METTL15: variants seen among roughly 807,000 people sequenced by gnomAD.
METTL15 encodes the protein 12S rRNA N(4)-cytidine methyltransferase METTL15.
In METTL15, 34 loss-of-function variants were observed where a neutral mutation model predicts 38.3. The observed-to-expected ratio is 0.89, with a 90% CI of 0.68 to 1.18. The LOEUF is 1.18. Ranked by LOEUF, METTL15 falls within the 50% of genes most tolerant of loss-of-function variation. The pLI is 0.00. For synonymous variants in METTL15, 162 were observed against 170.9 expected (o/e 0.95, Z 0.41); for missense variants, 438 against 498.4 (o/e 0.88, Z 1.15).
At chr11:28,252,818 C>T (rs1854802859) in intron 4 of METTL15, among the ~76,000 whole-genome samples, 1 of 152,064 alleles carries the variant, frequency 6.6e-6, no homozygotes, top group South Asian at 2.1e-4. Flanking sequence ...TGTCCACGTC[C>T]ACTCCCTCCA....
intron 5 of METTL15, among the ~76,000 whole-genome samples, chr11:28,386,472 A>T (rs1423137465): frequency 1.3e-5 from 2 of 152,096 alleles, no homozygotes; most frequent in Non-Finnish European, 2.9e-5. Context: ...AAATTGTTGC[A>T]TGAGACAAAG....
chr11:28,193,604 C>T (rs1851781096), intron 3 of METTL15, among the ~76,000 whole-genome samples: 1 of 152,082 alleles, frequency 6.6e-6, no homozygotes, highest in South Asian at 2.1e-4. Context: ...AACCATATCA[C>T]CTTCCACCCC....
chr11:28,141,549 C>T (rs957028672), intron 3 of METTL15, among the ~76,000 whole-genome samples: 7 of 151,704 alleles, frequency 4.6e-5, no homozygotes, highest in African/African-American at 1.2e-4. Flanking sequence ...ATTATTCTGG[C>T]GTGGTGGCAT....
At chr11:28,378,723 G>A (rs945353856) in intron 5 of METTL15, among the ~76,000 whole-genome samples, 3 of 148,316 alleles carry the variant, frequency 2.0e-5, no homozygotes, top group African/African-American at 7.4e-5. Context: ...GGTAATGCTA[G>A]TGTCTTAGAA....
chr11:28,286,327 T>C (rs1053688788), intron 4 of METTL15, among the ~76,000 whole-genome samples: 7 of 152,176 alleles, frequency 4.6e-5, no homozygotes, highest in African/African-American at 1.4e-4. Flanking sequence ...AATACCTTCA[T>C]AGCAACACAT....
intron 6 of METTL15, among the ~76,000 whole-genome samples, chr11:28,488,241 G>T (rs563489345): frequency 6.6e-6 from 1 of 152,176 alleles, no homozygotes; most frequent in Admixed American, 6.5e-5. Context: ...TTGGCTTTGA[G>T]AATAGAAGTT....
At chr11:28,143,900 G>A (rs528214836) in intron 3 of METTL15, among the ~76,000 whole-genome samples, 1 of 152,302 alleles carries the variant, frequency 6.6e-6, no homozygotes, top group Admixed American at 6.5e-5. Context: ...GAACTTCTGA[G>A]CTAACTCTTG....
chr11:28,304,774 G>A (rs1237988300), intron 6 of METTL15, among the ~76,000 whole-genome samples: 1 of 151,978 alleles, frequency 6.6e-6, no homozygotes, highest in Non-Finnish European at 1.5e-5. Context: ...CTTTTAGTTG[G>A]AACATAAACT....
chr11:28,205,106 T>G (rs1852269730), intron 3 of METTL15, among the ~76,000 whole-genome samples: 1 of 151,876 alleles, frequency 6.6e-6, no homozygotes, highest in Non-Finnish European at 1.5e-5. Context: ...TATTTTTATT[T>G]AATTTTTATT....
intron 3 of METTL15, among the ~76,000 whole-genome samples, chr11:28,168,221 G>GA (rs1850724168): frequency 6.6e-6 from 1 of 151,564 alleles, no homozygotes; most frequent in Non-Finnish European, 1.5e-5. Flanking sequence ...GAAAAAATAA[G>GA]ACAATGTCAC....
chr11:28,208,930 G>A (rs527786541), intron 3 of METTL15, among the ~76,000 whole-genome samples: 1 of 152,038 alleles, frequency 6.6e-6, no homozygotes, highest in South Asian at 2.1e-4. Flanking sequence ...CTCCAATCAC[G>A]TATTAACTCA....
intron 6 of METTL15, among the ~76,000 whole-genome samples, chr11:28,434,753 C>T (rs781190721): frequency 5.3e-5 from 8 of 152,196 alleles, no homozygotes; most frequent in Non-Finnish European, 8.8e-5. Context: ...AGGATAGGCT[C>T]AGCTCATTTT....
intron 6 of METTL15, among the ~76,000 whole-genome samples, chr11:28,324,893 G>A (rs549067455): frequency 1.3e-5 from 2 of 152,114 alleles, no homozygotes; most frequent in African/African-American, 2.4e-5. Context: ...AGCTCTCATC[G>A]ACAGCTTTCT....
intron 3 of METTL15, among the ~76,000 whole-genome samples, chr11:28,120,251 CTT>C (rs111884031): frequency 2.9e-5 from 4 of 136,832 alleles, no homozygotes; most frequent in Non-Finnish European, 6.4e-5. Flanking sequence ...TGTGCCCAGC[CTT>C]TTTTTTTTTT....
At chr11:28,283,021 C>T (rs1260497016) in intron 4 of METTL15, among the ~76,000 whole-genome samples, 1 of 152,094 alleles carries the variant, frequency 6.6e-6, no homozygotes, top group Non-Finnish European at 1.5e-5. Flanking sequence ...CTGCATTCTA[C>T]ATTTGTTTGC....
chr11:28,493,142 G>A (rs1055961889), intron 6 of METTL15, among the ~76,000 whole-genome samples: 3 of 152,084 alleles, frequency 2.0e-5, no homozygotes, highest in African/African-American at 7.2e-5. Flanking sequence ...TCTCCTCTGT[G>A]TTCCAGATCT....
At chr11:28,195,466 T>C (rs1375540741) in intron 3 of METTL15, among the ~76,000 whole-genome samples, 1 of 152,004 alleles carries the variant, frequency 6.6e-6, no homozygotes, top group Non-Finnish European at 1.5e-5. Flanking sequence ...TTATGATTAG[T>C]GATGTTGAGC....
chr11:28,322,766 G>A (rs1487975478), intron 6 of METTL15, among the ~76,000 whole-genome samples: 3 of 152,058 alleles, frequency 2.0e-5, no homozygotes, highest in African/African-American at 7.2e-5. Flanking sequence ...CAGTTCACAC[G>A]TTTATTGCAT....
chr11:28,439,505 C>A (rs1315283829), intron 6 of METTL15, among the ~76,000 whole-genome samples: 2 of 152,184 alleles, frequency 1.3e-5, no homozygotes, highest in African/African-American at 4.8e-5. Context: ...TGTTGAGTAT[C>A]TTGTCTCATT....
Sources: allele counts gnomAD v4.1 joint callset (sites outside exome capture counted in the v4.1 genomes callset), GRCh38; gene constraint gnomAD v4.1.1; transcripts MANE v1.5; gene names NCBI Gene and HGNC (gene_info 2026-07-23, HGNC 2026-07-21).